CKAP2: variants seen among roughly 807,000 people sequenced by gnomAD.
CKAP2 encodes the protein cytoskeleton associated protein 2, also known as cytoskeleton-associated protein 2.
CKAP2 carries 46 observed loss-of-function variants against 58.4 expected under a neutral mutation model. That is an observed-to-expected ratio of 0.79 (90% CI 0.62 to 1.01). CKAP2 has a LOEUF of 1.01. CKAP2 is among the 50% of genes least tolerant of loss of function. The pLI, the probability that CKAP2 is intolerant of heterozygous loss-of-function variation, is 0.00. For synonymous variants in CKAP2, 293 were observed against 280.9 expected (o/e 1.04, Z -0.43); for missense variants, 809 against 796.4 (o/e 1.02, Z -0.19).
At chr13:52,466,687 A>T (rs7321964) in intron 6 of CKAP2, among the ~76,000 whole-genome samples, 1 of 152,040 alleles carries the variant, frequency 6.6e-6, no homozygotes, top group Non-Finnish European at 1.5e-5. Flanking sequence ...AAATTAGCCA[A>T]CATGGCTGGG....
In CKAP2 at chr13:52,462,422, C is replaced by G. The variant is rs1264708137; in HGVS notation, c.1160C>G (p.Ser387Ter). ...AGAGTGCTAAAAAGGCCCCCTAATTCAGTAGTTACTCAGCATGAGCCTGCA... is the reference window on the plus strand; with the variant it reads ...AGAGTGCTAAAAAGGCCCCCTAATTGAGTAGTTACTCAGCATGAGCCTGCA... ...KGRVLKRPPN[S>*]VVTQHEPAGQ... Residue 387 changes from serine to a stop codon, truncating the protein, a stop_gained, in exon 5 of 9, where the codon TCA becomes TGA. Coordinates refer to ENST00000258607, the MANE Select transcript of CKAP2 (RefSeq NM_018204.5). LOFTEE classifies it high-confidence loss of function. 1 of 1,614,088 alleles carries G rather than the reference C, an allele frequency of 6.2e-7. No homozygotes were observed. The highest frequency in any genetic ancestry group is 8.5e-7 in the Non-Finnish European group (1 of 1,180,008).
At chr13:52,455,964 G>C (rs1958472459) in intron 1 of CKAP2, 3 of 1,111,066 alleles carry the variant, frequency 2.7e-6, no homozygotes, top group Non-Finnish European at 3.3e-6. Flanking sequence ...ACAGGTTCAG[G>C]GACCGACTGC....
rs1958462626 is a variant in CKAP2, at chr13:52,455,574, G to A, written c.18G>A (p.Val6=). Residue 6 remains valine, a synonymous_variant, in exon 1 of 9, where the codon GTG becomes GTA. Coordinates refer to ENST00000258607, the MANE Select transcript of CKAP2 (RefSeq NM_018204.5). MSTPA[V]PQDLQLPPSQ... The stretch of plus-strand genomic sequence containing the variant: ...AGGCTACGATGAGCACACCGGCCGT[G>A]CCCCAGGACCTGCAGCTGCCCCCGA... 1.2e-6 allele frequency: 2 copies of A among 1,612,734 alleles called. No individual in the cohort carries two copies. The highest frequency in any genetic ancestry group is 1.7e-6 in the Non-Finnish European group (2 of 1,179,752).
intron 5 of CKAP2, among the ~76,000 whole-genome samples, chr13:52,463,448 C>T (rs9526924): frequency 0.037 from 5,699 of 152,060 alleles, 137 homozygotes; most frequent in South Asian, 0.07. Flanking sequence ...TATTCTCTTA[C>T]ATTTATTCAC....
rs1414471314 is a variant in CKAP2, at chr13:52,461,587, C to G, written c.761C>G (p.Pro254Arg). The G allele has an allele frequency of 6.2e-7, 1 of 1,614,118 alleles. No homozygotes were observed. The highest frequency in any genetic ancestry group is 1.1e-5 in the South Asian group (1 of 91,078). The change falls in exon 4 of 9, where the codon CCT (proline) becomes CGT (arginine). Residue 254 changes from proline (P) to arginine (R), a missense_variant. This residue lies in a region of CKAP2 where 523 missense variants were observed against 492.4 expected (regional missense o/e 1.06). Coordinates refer to ENST00000258607, the MANE Select transcript of CKAP2 (RefSeq NM_018204.5). The stretch of plus-strand genomic sequence containing the variant: ...TCTCAGAACACACAACTTGTGCGAC[C>G]TCCTATTAGAAGTCATCACAGTAAT... ...TTSQNTQLVR[P>R]PIRSHHSNTR...
At chr13:52,465,974 T>TATATGCACAC in intron 6 of CKAP2, 2 of 237,232 alleles carry the variant, frequency 8.4e-6, no homozygotes, top group African/African-American at 5.0e-5. Context: ...TATACACACA[T>TATATGCACAC]ATATGCACAC....
chr13:52,465,651 A>G (rs1958656889), intron 6 of CKAP2, 186 bp downstream of exon 6: 4 of 658,080 alleles, frequency 6.1e-6, no homozygotes, highest in Non-Finnish European at 1.1e-5. Context: ...TTATTCCTGT[A>G]TTGGGAATAA....
chr13:52,462,719 AT>A, intron 5 of CKAP2, 152 bp downstream of exon 5: 1 of 638,750 alleles, frequency 1.6e-6, no homozygotes, highest in South Asian at 2.0e-5. Context: ...TTTAACAATT[AT>A]TTAATTGCGA....
intron 7 of CKAP2, chr13:52,473,545 G>T: frequency 3.7e-6 from 1 of 272,066 alleles, no homozygotes; most frequent in South Asian, 9.7e-5. Flanking sequence ...CGCTTGTGAA[G>T]CATTCCCTAA....
In CKAP2 at chr13:52,462,369, T is replaced by C. The variant is rs1351210958; in HGVS notation, c.1107T>C (p.Arg369=). 6.2e-7 allele frequency: 1 copy of C among 1,613,950 alleles called. No homozygotes were observed. Among genetic ancestry groups the C allele is most frequent in the East Asian group, 2.2e-5 (1 of 44,852 alleles). The change falls in exon 5 of 9, where the codon CGT becomes CGC. Residue 369 remains arginine (R), a synonymous_variant. Coordinates refer to ENST00000258607, the MANE Select transcript of CKAP2 (RefSeq NM_018204.5). ...TATCTGCTTCTAACTATAGAGCTCGTCTGAGTGAGTGGAAAGCTGGCAAAG... is the reference window on the plus strand; with the variant it reads ...TATCTGCTTCTAACTATAGAGCTCGCCTGAGTGAGTGGAAAGCTGGCAAAG... ...PKETSEERKA[R]LSEWKAGKGR...
intron 1 of CKAP2, chr13:52,455,997 C>T (rs1594131324): frequency 1.9e-6 from 2 of 1,073,600 alleles, no homozygotes; most frequent in Non-Finnish European, 1.1e-6. Context: ...TCCTCCGCCT[C>T]TTAGGTCCCT....
chr13:52,460,447 T>C (rs889926923), intron 2 of CKAP2, among the ~76,000 whole-genome samples: 3 of 151,698 alleles, frequency 2.0e-5, no homozygotes, highest in Non-Finnish European at 2.9e-5. Context: ...GCCATTTGTT[T>C]ACACTATTTT....
chr13:52,464,115 A>G (rs529918003), intron 5 of CKAP2, among the ~76,000 whole-genome samples: 1 of 152,286 alleles, frequency 6.6e-6, no homozygotes, highest in South Asian at 2.1e-4. Context: ...TACTGCTTCT[A>G]ATATTTTGTT....
Position 52,461,083 on chromosome 13 carries a change from C to T in CKAP2, c.257C>T (p.Pro86Leu). ...KMADKENMKR[P>L]AESKNNTVVG... Reference sequence around the variant, plus strand: ...GCTGATAAAGAAAACATGAAGAGACCTGCAGAGAGCAAAAATAATACAGTG... The same window carrying T: ...GCTGATAAAGAAAACATGAAGAGACTTGCAGAGAGCAAAAATAATACAGTG... Residue 86 changes from proline (P) to leucine (L), a missense_variant, in exon 4 of 9, where the codon CCT becomes CTT. Pro to Leu is a moderately conservative substitution (Grantham distance 98). Transcript: ENST00000258607. 6.2e-7 allele frequency: 1 copy of T among 1,604,000 alleles called. No individual in the cohort carries two copies. Among genetic ancestry groups the T allele is most frequent in the Non-Finnish European group, 8.5e-7 (1 of 1,176,736 alleles).
intron 2 of CKAP2, among the ~76,000 whole-genome samples, chr13:52,459,263 G>A (rs1354803447): frequency 6.6e-6 from 1 of 152,142 alleles, no homozygotes; most frequent in African/African-American, 2.4e-5. Context: ...GAAAGGCAAT[G>A]TAAGCAAAAT....
In CKAP2 at chr13:52,461,911, C is replaced by T. The variant is rs754349566; in HGVS notation, c.1085C>T (p.Thr362Ile). 2 of 1,593,016 alleles carry T rather than the reference C, an allele frequency of 1.3e-6. No homozygotes were observed. The highest frequency in any genetic ancestry group is 4.5e-5 in the East Asian group (2 of 44,718). Residue 362 changes from threonine to isoleucine, a missense_variant, in exon 4 of 9, where the codon ACC becomes ATC. Coordinates refer to ENST00000258607, the MANE Select transcript of CKAP2 (RefSeq NM_018204.5). ...AGTAGATCAGCTCAGCCCAAAGAAA[C>T]CTCGGAAGAGAGAAAGTAAGTAGAT... The part of the protein sequence containing the change: ...VDSRSAQPKE[T>I]SEERKARLSE...
chr13:52,463,203 G>T (rs1036582247), intron 5 of CKAP2, among the ~76,000 whole-genome samples: 3 of 152,226 alleles, frequency 2.0e-5, no homozygotes, highest in African/African-American at 7.2e-5. Flanking sequence ...CTCCCAAAGT[G>T]CTGGGATTAC....
intron 5 of CKAP2, among the ~76,000 whole-genome samples, chr13:52,462,913 G>A (rs975227489): frequency 1.3e-5 from 2 of 152,098 alleles, no homozygotes; most frequent in East Asian, 3.9e-4. Flanking sequence ...GTTATCTTGG[G>A]GATGAGATCC....
rs1223739916 is a variant in CKAP2 at position 52,475,040 on chromosome 13, T to C, written c.1948T>C (p.Ser650Pro). 1.2e-6 allele frequency: 2 copies of C among 1,614,108 alleles called. No individual in the cohort carries two copies. Among genetic ancestry groups the C allele is most frequent in the Non-Finnish European group, 1.7e-6 (2 of 1,180,046 alleles). ...MLKDHYPCVSSLEQLTELGRE... is the reference protein window; with the variant it reads ...MLKDHYPCVSPLEQLTELGRE... Reference sequence around the variant, plus strand: ...AAAAGATCATTATCCTTGTGTGTCTTCATTGGAACAGCTAACGGAGTTGGG... The same window carrying C: ...AAAAGATCATTATCCTTGTGTGTCTCCATTGGAACAGCTAACGGAGTTGGG... Residue 650 changes from serine (S) to proline (P), a missense_variant, in exon 9 of 9, where the codon TCA becomes CCA. By Grantham distance (74) the Ser-to-Pro change is moderately conservative (BLOSUM62 -1). Coordinates refer to ENST00000258607, the MANE Select transcript of CKAP2 (RefSeq NM_018204.5).
Sources: gnomAD v4.1 joint callset for allele counts (sites outside exome capture counted in the v4.1 genomes callset) on GRCh38, gnomAD v4.1.1 for gene constraint, gnomAD v4.1.1 regional missense constraint, MANE v1.5 for transcripts, NCBI Gene and HGNC (gene_info 2026-07-23, HGNC 2026-07-21) for gene names.